BMPER: variants seen among roughly 807,000 people sequenced by gnomAD.
The protein encoded by BMPER is BMP-binding endothelial regulator protein.
BMPER carries 45 observed loss-of-function variants against 87.3 expected under a neutral mutation model. The observed-to-expected ratio is 0.52, with a 90% CI of 0.41 to 0.66. The LOEUF (loss-of-function observed/expected upper bound fraction) is 0.66, where lower values mean the gene tolerates loss of function less well. BMPER is among the 30% of genes least tolerant of loss of function. The pLI is 0.00. For synonymous variants in BMPER, 326 were observed against 316.2 expected (o/e 1.03, Z -0.33); for missense variants, 784 against 867.5 (o/e 0.90, Z 1.21).
At chr7:34,076,245 G>A (rs907388367) in intron 11 of BMPER, among the ~76,000 whole-genome samples, 2 of 152,062 alleles carry the variant, frequency 1.3e-5, no homozygotes, top group South Asian at 2.1e-4. Context: ...CTTCTATGAC[G>A]ACTTGCTTTG....
chr7:34,037,245 A>C (rs867206160), intron 6 of BMPER, among the ~76,000 whole-genome samples: 28 of 152,174 alleles, frequency 1.8e-4, no homozygotes, highest in Admixed American at 1.6e-3. Context: ...TATGGTAAAG[A>C]CATTTCCATC....
At chr7:34,013,551 G>T (rs919053254) in intron 6 of BMPER, among the ~76,000 whole-genome samples, 1 of 151,766 alleles carries the variant, frequency 6.6e-6, no homozygotes, top group Non-Finnish European at 1.5e-5. Flanking sequence ...AAATTCACTT[G>T]TTGTAAGTGT....
At chr7:33,922,559 C>T (rs1172225688) in intron 2 of BMPER, among the ~76,000 whole-genome samples, 1 of 152,150 alleles carries the variant, frequency 6.6e-6, no homozygotes, top group Non-Finnish European at 1.5e-5. Flanking sequence ...GTTTCCGTCT[C>T]TAGTGATAAG....
chr7:34,125,326 G>A (rs957069498), intron 13 of BMPER, among the ~76,000 whole-genome samples: 3 of 152,056 alleles, frequency 2.0e-5, no homozygotes, highest in Admixed American at 6.6e-5. Flanking sequence ...GACCATTGCT[G>A]ATCATTTGTC....
intron 10 of BMPER, 69 bp downstream of exon 10, chr7:34,058,232 A>C: frequency 1.4e-6 from 2 of 1,425,486 alleles, no homozygotes; most frequent in Non-Finnish European, 2.0e-6. Flanking sequence ...GCACAGTCGC[A>C]TGCCATCTTC....
chr7:34,014,020 C>T (rs1786956454), intron 6 of BMPER, among the ~76,000 whole-genome samples: 1 of 151,980 alleles, frequency 6.6e-6, no homozygotes, highest in South Asian at 2.1e-4. Context: ...ATTGCCTCTT[C>T]TCTGATTACT....
rs879327540 is a variant in BMPER, at chr7:33,920,418, G to GTTTTTTTT, written c.219+13516_219+13517insTTTTTTTT. 8.3e-4 allele frequency among the ~76,000 whole-genome samples: 83 copies of GTTTTTTTT among 99,924 alleles called. 6 individuals are homozygous for GTTTTTTTT. The highest frequency in any genetic ancestry group is 4.3e-3 in the East Asian group (13 of 3,004). The allele number at this position is 99,924 out of a possible 152,430, so 65.6% of individuals were successfully genotyped here. ...CTGTGCAGACCAGGGAAACTCCGTT[G>GTTTTTTTT]TGTTTTTTTTTTTTTTTTTTTTTTT... On this transcript the variant is annotated intron_variant, in intron 2 of 14. Coordinates refer to ENST00000649409, the MANE Select transcript of BMPER (RefSeq NM_001365308.1).
chr7:33,993,193 G>T (rs1167096137), intron 6 of BMPER, among the ~76,000 whole-genome samples: 156 of 148,820 alleles, frequency 1.0e-3, no homozygotes, highest in Admixed American at 3.3e-3. Flanking sequence ...AGTTCTCCTG[G>T]ATAATATCCT....
intron 6 of BMPER, 48 bp from the exon 7 acceptor site, chr7:34,046,258 C>T (rs750117603): frequency 1.3e-6 from 2 of 1,553,776 alleles, no homozygotes; most frequent in African/African-American, 1.4e-5. Context: ...GTACAATCTA[C>T]ATGCACTTAC....
intron 3 of BMPER, among the ~76,000 whole-genome samples, chr7:33,964,190 C>T (rs540443146): frequency 1.3e-5 from 2 of 152,178 alleles, no homozygotes; most frequent in Admixed American, 6.5e-5. Flanking sequence ...AATGTCCTTT[C>T]TTTAATTATC....
intron 13 of BMPER, among the ~76,000 whole-genome samples, chr7:34,129,666 A>AAGAAAGAC (rs1562762284): frequency 5.7e-4 from 86 of 151,128 alleles, no homozygotes; most frequent in African/African-American, 2.0e-3. Context: ...GAAAGAAAGA[A>AAGAAAGAC]AGAAAGAAAG....
chr7:34,082,733 G>A (rs1033681963), intron 12 of BMPER, among the ~76,000 whole-genome samples: 4 of 152,196 alleles, frequency 2.6e-5, no homozygotes, highest in African/African-American at 9.7e-5. Context: ...CATGAACTCA[G>A]TTGCCCCAAG....
chr7:34,109,891 T>C lies in BMPER; in HGVS notation c.1745+23799T>C, dbSNP rs182090199. On this transcript the variant is annotated intron_variant, in intron 13 of 14. Transcript: ENST00000649409. ...CTATTCCACTTGCTCTAGCTTCTTT[T>C]TGATCCTTGCAAAATCTCTTTCCCC... 3.0e-4 allele frequency among the ~76,000 whole-genome samples: 46 copies of C among 152,368 alleles called. No homozygotes were observed. In the East Asian group the frequency reaches 8.5e-3, roughly 28 times the overall value.
At position 34,086,034 on chromosome 7, in the gene BMPER, C is replaced by T; in HGVS notation, c.1687C>T (p.Leu563Phe). The T allele has an allele frequency of 6.2e-7, 1 of 1,614,096 alleles. No homozygotes were observed. Among genetic ancestry groups the T allele is most frequent in the East Asian group, 2.2e-5 (1 of 44,872 alleles). ...CCGGGCCCATCGAGAATGCCAAAAGCTCAAATCCTGGGAGTTTCAGACCTG... is the reference window on the plus strand; with the variant it reads ...CCGGGCCCATCGAGAATGCCAAAAGTTCAAATCCTGGGAGTTTCAGACCTG... ...KLRAHRECQKLKSWEFQTCHS... is the reference protein window; with the variant it reads ...KLRAHRECQKFKSWEFQTCHS... The change falls in exon 13 of 15, where the codon CTC becomes TTC. Residue 563 changes from leucine (L) to phenylalanine (F), a missense_variant. By Grantham distance (22) the Leu-to-Phe change is conservative. Coordinates refer to ENST00000649409, the MANE Select transcript of BMPER (RefSeq NM_001365308.1).
At chr7:33,993,932 G>A (rs1310081908) in intron 6 of BMPER, among the ~76,000 whole-genome samples, 9 of 152,028 alleles carry the variant, frequency 5.9e-5, no homozygotes, top group African/African-American at 1.9e-4. Flanking sequence ...TAGGCTGCTC[G>A]GGGGTCAGGG....
intron 13 of BMPER, among the ~76,000 whole-genome samples, chr7:34,141,607 T>G (rs1385779005): frequency 1.5e-5 from 1 of 67,558 alleles, no homozygotes; most frequent in African/African-American, 6.0e-5. Context: ...TGAAACACCA[T>G]CTCAAAAAAA....
chr7:34,076,361 T>C (rs1049536556), intron 11 of BMPER, among the ~76,000 whole-genome samples: 6 of 152,210 alleles, frequency 3.9e-5, no homozygotes, highest in Non-Finnish European at 5.9e-5. Context: ...GAAAGTAATG[T>C]CACTTATGGC....
intron 5 of BMPER, among the ~76,000 whole-genome samples, chr7:33,971,739 A>G (rs534095305): frequency 1.3e-5 from 2 of 152,256 alleles, no homozygotes; most frequent in East Asian, 3.9e-4. Context: ...TTCCATCAGA[A>G]TCTCTGAGGA....
At chr7:33,971,979 T>C (rs1234015413) in intron 5 of BMPER, among the ~76,000 whole-genome samples, 1 of 151,456 alleles carries the variant, frequency 6.6e-6, no homozygotes, top group Non-Finnish European at 1.5e-5. Context: ...CTCGGCTCAC[T>C]GCAACCTCTG....
Sources: allele counts gnomAD v4.1 joint callset (sites outside exome capture counted in the v4.1 genomes callset), GRCh38; gene constraint gnomAD v4.1.1; transcripts MANE v1.5; gene names NCBI Gene and HGNC (gene_info 2026-07-23, HGNC 2026-07-21).